Variants in ZNF423 observed in about 807,000 individuals in gnomAD.
ZNF423 encodes the protein Ebf-associated zinc finger protein.
In ZNF423, 12 loss-of-function variants were observed where a neutral mutation model predicts 95.8. The ratio of observed to expected loss-of-function variants is 0.13; its 90% CI spans 0.08 to 0.20. ZNF423 has a LOEUF of 0.20. Ranked by LOEUF, ZNF423 falls within the 10% of genes least tolerant of loss-of-function variation. ZNF423 has a pLI of 1.00. For synonymous variants in ZNF423, 749 were observed against 711.9 expected (o/e 1.05, Z -0.83); for missense variants, 1,316 against 1,737.1 (o/e 0.76, Z 4.31).
chr16:49,820,859 T>C (rs1419703996), intron 1 of ZNF423, among the ~76,000 whole-genome samples: 2 of 152,270 alleles, frequency 1.3e-5, no homozygotes, highest in African/African-American at 4.8e-5. Flanking sequence ...AGTTTAGCTC[T>C]TAAGACTTGA....
intron 3 of ZNF423, among the ~76,000 whole-genome samples, chr16:49,702,027 C>T (rs1251044916): frequency 6.6e-6 from 1 of 152,184 alleles, no homozygotes; most frequent in Non-Finnish European, 1.5e-5. Flanking sequence ...AGGAAACCCC[C>T]AGGGGTCTGT....
At chr16:49,754,315 T>C (rs1231196264) in intron 2 of ZNF423, among the ~76,000 whole-genome samples, 2 of 152,180 alleles carry the variant, frequency 1.3e-5, no homozygotes, top group African/African-American at 4.8e-5. Flanking sequence ...CCATCCAGGG[T>C]CATTGATTAA....
chr16:49,605,183 G>A (rs1337791100), intron 5 of ZNF423, among the ~76,000 whole-genome samples: 1 of 152,018 alleles, frequency 6.6e-6, no homozygotes, highest in African/African-American at 2.4e-5. Context: ...ATGTAGTATC[G>A]ACCAGAATTT....
At chr16:49,524,961 G>A (rs1191145042) in intron 6 of ZNF423, among the ~76,000 whole-genome samples, 1 of 152,238 alleles carries the variant, frequency 6.6e-6, no homozygotes, top group Non-Finnish European at 1.5e-5. Flanking sequence ...AGGGAAGGGG[G>A]AACCAGGAGT....
At chr16:49,667,316 G>A (rs549086038) in intron 3 of ZNF423, among the ~76,000 whole-genome samples, 7 of 152,232 alleles carry the variant, frequency 4.6e-5, no homozygotes, top group Non-Finnish European at 1.0e-4. Context: ...GAGACCATCA[G>A]ACAGTGGGTC....
chr16:49,645,923 T>C (rs1973155215), intron 3 of ZNF423, among the ~76,000 whole-genome samples: 1 of 152,230 alleles, frequency 6.6e-6, no homozygotes, highest in African/African-American at 2.4e-5. Context: ...TCCAACATGA[T>C]TGTTAGTTTC....
chr16:49,506,067 T>C (rs1967620780), intron 7 of ZNF423, among the ~76,000 whole-genome samples: 2 of 152,206 alleles, frequency 1.3e-5, no homozygotes, highest in African/African-American at 4.8e-5. Context: ...TGTGTGTGTG[T>C]ATGTGTGTGT....
At chr16:49,765,482 A>C (rs771362951) in intron 2 of ZNF423, among the ~76,000 whole-genome samples, 1 of 152,160 alleles carries the variant, frequency 6.6e-6, no homozygotes, top group Non-Finnish European at 1.5e-5. Context: ...AGGCCAAGGC[A>C]GGAGGATTTC....
intron 3 of ZNF423, among the ~76,000 whole-genome samples, chr16:49,694,534 G>A (rs1452675924): frequency 6.6e-6 from 1 of 152,192 alleles, no homozygotes; most frequent in East Asian, 1.9e-4. Flanking sequence ...AGCAGGGATT[G>A]GAAATCATGC....
At position 49,684,070 on chromosome 16, in the gene ZNF423, CA is replaced by C. The variant is rs1252430837; in HGVS notation, c.302-45197del. On this transcript the variant is annotated intron_variant, in intron 3 of 7. Transcript: ENST00000563137. ...TGGGCAGCAGAGCAAGATCTGGTCTCAAAAAATTAAAATAAAATAAATAAGA... is the reference window on the plus strand; with the variant it reads ...TGGGCAGCAGAGCAAGATCTGGTCTCAAAAATTAAAATAAAATAAATAAGA... Among the ~76,000 whole-genome samples, 8 of 152,108 alleles carry C rather than the reference CA, an allele frequency of 5.3e-5. 1 individual carries two copies. The South Asian group carries it at 6.2e-4, about 12-fold the overall frequency.
intron 5 of ZNF423, among the ~76,000 whole-genome samples, chr16:49,581,723 C>T (rs1472559790): frequency 1.3e-5 from 2 of 152,184 alleles, no homozygotes; most frequent in South Asian, 2.1e-4. Context: ...ATAATATTTT[C>T]GTTTCCCCGT....
chr16:49,699,614 C>T (rs929152389), intron 3 of ZNF423, among the ~76,000 whole-genome samples: 2 of 152,150 alleles, frequency 1.3e-5, no homozygotes, highest in African/African-American at 4.8e-5. Flanking sequence ...TGTCCTCTTT[C>T]CCAGAGGTGG....
chr16:49,530,214 G>T (rs1968788685), intron 5 of ZNF423, among the ~76,000 whole-genome samples: 1 of 152,032 alleles, frequency 6.6e-6, no homozygotes, highest in African/African-American at 2.4e-5. Flanking sequence ...TTGGCCACAG[G>T]ACATCTGCCC....
At chr16:49,833,170 T>C (rs2035079519) in intron 1 of ZNF423, among the ~76,000 whole-genome samples, 1 of 152,144 alleles carries the variant, frequency 6.6e-6, no homozygotes, top group African/African-American at 2.4e-5. Flanking sequence ...GTTTATCCGC[T>C]TTCACAAGCT....
At chr16:49,787,987 A>C (rs1296619250) in intron 2 of ZNF423, among the ~76,000 whole-genome samples, 1 of 152,156 alleles carries the variant, frequency 6.6e-6, no homozygotes, top group Non-Finnish European at 1.5e-5. Context: ...TCCGCCAACC[A>C]TGGGGAACGC....
intron 3 of ZNF423, among the ~76,000 whole-genome samples, chr16:49,680,866 T>C (rs2031323763): frequency 2.6e-5 from 4 of 152,156 alleles, no homozygotes; most frequent in Non-Finnish European, 4.4e-5. Flanking sequence ...AGCAATATAG[T>C]CAGGCAGAAG....
chr16:49,838,647 G>T lies in ZNF423; in HGVS notation c.40+17088C>A, dbSNP rs375264106. Among the ~76,000 whole-genome samples the T allele has an allele frequency of 2.6e-5, 4 of 152,026 alleles. No homozygotes were observed. The South Asian group carries it at 8.3e-4, about 31-fold the overall frequency. ...CACCAGCTGTGGGCTCGACGCCGCC[G>T]TCCCCAGCGCTGGGCCTGGGACCAG... On this transcript the variant is annotated intron_variant, in intron 1 of 7. Coordinates refer to ENST00000563137, the MANE Select transcript of ZNF423 (RefSeq NM_001379286.1).
chr16:49,530,633 A>T (rs760226390), intron 5 of ZNF423, among the ~76,000 whole-genome samples: 1 of 152,202 alleles, frequency 6.6e-6, no homozygotes, highest in African/African-American at 2.4e-5. Context: ...GGTAAATGCC[A>T]TCACTATGCA....
At chr16:49,852,779 A>C (rs893057732) in intron 1 of ZNF423, among the ~76,000 whole-genome samples, 56 of 142,890 alleles carry the variant, frequency 3.9e-4, no homozygotes, top group Non-Finnish European at 5.9e-4. Context: ...CTAGTGCCCC[A>C]ACCCCCTTCC....
Sources: gnomAD v4.1 joint callset for allele counts (sites outside exome capture counted in the v4.1 genomes callset) on GRCh38, gnomAD v4.1.1 for gene constraint, MANE v1.5 for transcripts, NCBI Gene and HGNC (gene_info 2026-07-23, HGNC 2026-07-21) for gene names.